Variants in SYNPR observed in about 807,000 individuals in gnomAD.
SYNPR encodes synaptoporin.
In SYNPR, 23 loss-of-function variants were observed where a neutral mutation model predicts 32.9. That is an observed-to-expected ratio of 0.70 (90% CI 0.50 to 0.99). The LOEUF (loss-of-function observed/expected upper bound fraction) is 0.99. SYNPR is among the 50% of genes least tolerant of loss of function. The pLI is 0.00. For missense variants in SYNPR, 318 were observed against 349.3 expected, an observed-to-expected ratio of 0.91 and a Z score of 0.71; for synonymous variants, 146 against 135.9, an observed-to-expected ratio of 1.07 and a Z score of -0.52.
intron 2 of SYNPR, among the ~76,000 whole-genome samples, chr3:63,303,905 T>C (rs997069604): frequency 6.6e-6 from 1 of 151,982 alleles, no homozygotes; most frequent in African/African-American, 2.4e-5. Flanking sequence ...ACCAAGATAA[T>C]GTAGTTAATG....
chr3:63,501,001 T>C (rs889953515), intron 3 of SYNPR, among the ~76,000 whole-genome samples: 5 of 152,142 alleles, frequency 3.3e-5, no homozygotes, highest in African/African-American at 7.2e-5. Context: ...AAGTTTTCTG[T>C]GACATTGAAT....
At chr3:63,261,028 A>G (rs2086433030) in intron 2 of SYNPR, among the ~76,000 whole-genome samples, 2 of 152,218 alleles carry the variant, frequency 1.3e-5, no homozygotes, top group South Asian at 4.1e-4. Flanking sequence ...ACCATCTCAC[A>G]CCACTTAGAA....
chr3:63,251,478 C>T (rs2086330531), intron 1 of SYNPR, among the ~76,000 whole-genome samples: 1 of 151,992 alleles, frequency 6.6e-6, no homozygotes, highest in Non-Finnish European at 1.5e-5. Flanking sequence ...TTGTTTTTGC[C>T]TGGAAAATGA....
intron 2 of SYNPR, among the ~76,000 whole-genome samples, chr3:63,422,797 A>T (rs897057434): frequency 6.6e-6 from 1 of 152,204 alleles, no homozygotes; most frequent in African/African-American, 2.4e-5. Context: ...TTTCACTGCT[A>T]TATAGATATT....
chr3:63,359,747 A>G (rs920608661), intron 2 of SYNPR, among the ~76,000 whole-genome samples: 1 of 152,128 alleles, frequency 6.6e-6, no homozygotes, highest in Non-Finnish European at 1.5e-5. Context: ...GCCCCTTATT[A>G]TCTTTGTGAT....
chr3:63,579,972 A>C (rs1419458636), intron 4 of SYNPR, among the ~76,000 whole-genome samples: 2 of 152,138 alleles, frequency 1.3e-5, no homozygotes, highest in Admixed American at 1.3e-4. Context: ...ATGAATTTTC[A>C]TTTGAAAGAT....
intron 2 of SYNPR, among the ~76,000 whole-genome samples, chr3:63,261,728 T>C (rs2086439700): frequency 1.4e-5 from 2 of 147,094 alleles, no homozygotes; most frequent in South Asian, 2.2e-4. Flanking sequence ...ATAATAATAA[T>C]AATAATAATA....
chr3:63,529,134 G>T (rs1343118486), intron 3 of SYNPR, among the ~76,000 whole-genome samples: 1 of 152,130 alleles, frequency 6.6e-6, no homozygotes, highest in Non-Finnish European at 1.5e-5. Flanking sequence ...ACACATAGAA[G>T]GAAGACAGTC....
chr3:63,281,117 A>C (rs996103861), intron 2 of SYNPR, among the ~76,000 whole-genome samples: 1 of 152,152 alleles, frequency 6.6e-6, no homozygotes, highest in Non-Finnish European at 1.5e-5. Flanking sequence ...TTTCTGTAGG[A>C]GATATTGACA....
intron 1 of SYNPR, among the ~76,000 whole-genome samples, chr3:63,237,360 C>T (rs775769989): frequency 1.3e-5 from 2 of 151,678 alleles, no homozygotes; most frequent in Non-Finnish European, 2.9e-5. Context: ...GAGTGTTGTT[C>T]GTGTGTTTGT....
intron 2 of SYNPR, among the ~76,000 whole-genome samples, chr3:63,375,735 AATT>A (rs1286597506): frequency 6.6e-6 from 1 of 151,632 alleles, no homozygotes; most frequent in East Asian, 1.9e-4. Context: ...TAATAATAAT[AATT>A]AGTATAGTGA....
intron 2 of SYNPR, among the ~76,000 whole-genome samples, chr3:63,435,117 C>G (rs924874995): frequency 6.6e-6 from 1 of 152,202 alleles, no homozygotes; most frequent in Non-Finnish European, 1.5e-5. Flanking sequence ...CTTGTATATG[C>G]TAAACTTGCG....
At chr3:63,559,626 A>T (rs1194598919) in intron 4 of SYNPR, among the ~76,000 whole-genome samples, 1 of 152,044 alleles carries the variant, frequency 6.6e-6, no homozygotes, top group Non-Finnish European at 1.5e-5. Flanking sequence ...GGACTAGAAA[A>T]TGTTCAGGTG....
At chr3:63,414,088 G>A (rs1483473787) in intron 2 of SYNPR, among the ~76,000 whole-genome samples, 1 of 151,674 alleles carries the variant, frequency 6.6e-6, no homozygotes, top group Non-Finnish European at 1.5e-5. Context: ...TTCTTTCTCA[G>A]GCAGTAGCTT....
At chr3:63,390,022 T>C (rs907428339) in intron 2 of SYNPR, among the ~76,000 whole-genome samples, 1 of 152,240 alleles carries the variant, frequency 6.6e-6, no homozygotes. Context: ...TAGAAACCTA[T>C]GAAAGCCTTT....
At chr3:63,325,822 T>C (rs371408021) in intron 2 of SYNPR, among the ~76,000 whole-genome samples, 1 of 152,136 alleles carries the variant, frequency 6.6e-6, no homozygotes, top group Middle Eastern at 3.4e-3. Context: ...TGCAAGCCCA[T>C]GCATCTTTCC....
chr3:63,344,949 G>A (rs2087417626), intron 2 of SYNPR, among the ~76,000 whole-genome samples: 1 of 152,124 alleles, frequency 6.6e-6, no homozygotes, highest in Non-Finnish European at 1.5e-5. Flanking sequence ...CAGTTTCTTG[G>A]TATGTGTAAT....
intron 3 of SYNPR, among the ~76,000 whole-genome samples, chr3:63,494,548 A>G (rs960480048): frequency 2.0e-5 from 3 of 148,322 alleles, no homozygotes; most frequent in Non-Finnish European, 3.0e-5. Flanking sequence ...AAAGATCATC[A>G]TCATCATCGT....
At chr3:63,276,700 T>A (rs1025092542), upstream of SYNPR, among the ~76,000 whole-genome samples, 1 of 142,828 alleles carries the variant, frequency 7.0e-6, no homozygotes, top group African/African-American at 2.6e-5. Flanking sequence ...TCTATCTGCA[T>A]GTAGGAAGAG....
Sources: gnomAD v4.1 joint callset for allele counts (sites outside exome capture counted in the v4.1 genomes callset) on GRCh38, gnomAD v4.1.1 for gene constraint, MANE v1.5 for transcripts, NCBI Gene and HGNC (gene_info 2026-07-23, HGNC 2026-07-21) for gene names.